The following TACC2 variants were observed in gnomAD, a reference collection of about 807,000 sequenced individuals.
The protein encoded by TACC2 is transforming acidic coiled-coil containing protein 2, also known as transforming acidic coiled-coil-containing protein 2.
TACC2 carries 137 observed loss-of-function variants against 227.3 expected under a neutral mutation model. The observed-to-expected ratio is 0.60, with a 90% CI of 0.52 to 0.69. TACC2 has a LOEUF of 0.69. TACC2 is among the 30% of genes least tolerant of loss of function. The probability of loss-of-function intolerance (pLI) is 0.00; values close to 1 mark genes in which losing one functional copy is unlikely to be tolerated. For missense variants in TACC2, 3,470 were observed against 3,694.4 expected (o/e 0.94, Z 1.57); for synonymous variants, 1,523 against 1,487.5 (o/e 1.02, Z -0.55).
chr10:122,073,988 G>A (rs1226280754), intron 3 of TACC2, among the ~76,000 whole-genome samples: 1 of 151,634 alleles, frequency 6.6e-6, no homozygotes, highest in Non-Finnish European at 1.5e-5. Flanking sequence ...CACCATGTTA[G>A]CCAGGATGGT....
chr10:121,999,208 C>T (rs1193641571), intron 1 of TACC2, among the ~76,000 whole-genome samples: 5 of 152,012 alleles, frequency 3.3e-5, no homozygotes, highest in East Asian at 1.9e-4. Flanking sequence ...AGGGTTTCAC[C>T]GTTTTGGCCA....
At chr10:122,056,255 A>G (rs866576742) in intron 3 of TACC2, among the ~76,000 whole-genome samples, 18 of 151,940 alleles carry the variant, frequency 1.2e-4, no homozygotes, top group Admixed American at 5.2e-4. Context: ...GCTCACTGCA[A>G]CCTCCGCCTC....
rs758882459 is a variant in TACC2, at chr10:122,050,508, A to C, written c.104A>C (p.Gln35Pro). 1 of 1,614,148 alleles carries C rather than the reference A, an allele frequency of 6.2e-7. No individual in the cohort carries two copies. Among genetic ancestry groups the C allele is most frequent in the South Asian group, 1.1e-5 (1 of 91,072 alleles). The change falls in exon 3 of 23, where the codon CAG (glutamine) becomes CCG (proline). Residue 35 changes from glutamine (Q) to proline (P), a missense_variant. Coordinates refer to ENST00000369005, the MANE Select transcript of TACC2 (RefSeq NM_206862.4). The surrounding 1 kb of genome is among the most constrained non-coding windows in gnomAD (Gnocchi z 4.6). ...AACAGTCAGAATATAAAAAGGAAGC[A>C]GCAGGACACGCCCGGAAGCCCTGAC... ...PGNSQNIKRK[Q>P]QDTPGSPDHR... is the part of the protein sequence containing the mutation.
intron 7 of TACC2, among the ~76,000 whole-genome samples, chr10:122,161,085 C>T (rs2092790567): frequency 6.6e-6 from 1 of 152,100 alleles, no homozygotes; most frequent in Non-Finnish European, 1.5e-5. Flanking sequence ...AGTTATGCAC[C>T]ACCACACCCA....
intron 5 of TACC2, among the ~76,000 whole-genome samples, chr10:122,089,967 C>G (rs2080560695): frequency 1.3e-5 from 2 of 152,198 alleles, no homozygotes; most frequent in African/African-American, 4.8e-5. Flanking sequence ...TTTCCTGCAG[C>G]CTTTGCTGTT....
chr10:122,087,046 A>T lies in TACC2; in HGVS notation c.4546A>T (p.Lys1516Ter). The T allele has an allele frequency of 6.2e-7, 1 of 1,613,660 alleles. No homozygotes were observed. Among genetic ancestry groups the T allele is most frequent in the South Asian group, 1.1e-5 (1 of 91,076 alleles). Residue 1516 changes from lysine to a stop codon, truncating the protein, a stop_gained, in exon 4 of 23, where the codon AAG (lysine) becomes TAG (stop). Transcript: ENST00000369005. LOFTEE classifies it high-confidence loss of function. ...ERNLPGAGVG[K>*]EMAGVPPTLR... is the part of the protein sequence containing the mutation. ...GAACTTGCCAGGTGCCGGTGTGGGG[A>T]AGGAGATGGCAGGTGTCCCACCCAC...
At chr10:122,008,387 A>T (rs1319250308) in intron 1 of TACC2, among the ~76,000 whole-genome samples, 1 of 151,322 alleles carries the variant, frequency 6.6e-6, no homozygotes, top group Non-Finnish European at 1.5e-5. Flanking sequence ...CAGCCTCTCG[A>T]GTAGCCGGGA....
intron 5 of TACC2, chr10:122,088,861 C>T (rs2080388756): frequency 9.8e-7 from 1 of 1,023,080 alleles, no homozygotes; most frequent in Admixed American, 2.7e-5. Context: ...TGGCTCATGC[C>T]TGTAATCCCA....
chr10:122,200,425 G>T lies in TACC2; in HGVS notation c.5971+5249G>T, dbSNP rs138656749. On this transcript the variant is annotated intron_variant, in intron 8 of 22. Coordinates refer to ENST00000369005, the MANE Select transcript of TACC2 (RefSeq NM_206862.4). ...GGCACCTCACCTGCCCACAGTGGCT[G>T]TGTTCACATGGGGAGGACAGTTACC... 5.8e-5 allele frequency among the ~76,000 whole-genome samples: 8 copies of T among 137,124 alleles called. No homozygotes were observed. The East Asian group carries it at 9.1e-4, about 16-fold the overall frequency. The allele number at this position is 137,124 out of a possible 152,430, so 90.0% of individuals were successfully genotyped here. A position where few individuals can be genotyped will look rare whatever the true frequency, so the allele number is the denominator to read the frequency against.
chr10:122,064,554 C>T (rs1256022275), intron 3 of TACC2, among the ~76,000 whole-genome samples: 2 of 152,214 alleles, frequency 1.3e-5, no homozygotes, highest in Admixed American at 6.5e-5. Flanking sequence ...AGAGCCTACT[C>T]TATAACTATT....
intron 3 of TACC2, among the ~76,000 whole-genome samples, chr10:122,067,507 GTT>G (rs34479310): frequency 1.2e-4 from 15 of 129,628 alleles, no homozygotes; most frequent in African/African-American, 3.4e-4. Context: ...ACTGTTTCTG[GTT>G]TTTTTTTTTT....
At chr10:122,218,854 C>T (rs937600560) in intron 11 of TACC2, among the ~76,000 whole-genome samples, 1 of 151,816 alleles carries the variant, frequency 6.6e-6, no homozygotes, top group Non-Finnish European at 1.5e-5. Flanking sequence ...AACACTGACT[C>T]TACCAAAAGT....
chr10:122,067,864 A>G (rs976906248), intron 3 of TACC2, among the ~76,000 whole-genome samples: 1 of 152,100 alleles, frequency 6.6e-6, no homozygotes, highest in African/African-American at 2.4e-5. Context: ...ATGTTGGTTA[A>G]TAGTTTACAT....
intron 3 of TACC2, among the ~76,000 whole-genome samples, chr10:122,061,306 A>AAG (rs33934283): frequency 6.8e-6 from 1 of 146,898 alleles, no homozygotes; most frequent in Non-Finnish European, 1.5e-5. Context: ...AAAAAAAAAA[A>AAG]GGAGGGAGAA....
At chr10:122,007,087 C>T (rs1015643855) in intron 1 of TACC2, among the ~76,000 whole-genome samples, 1 of 152,084 alleles carries the variant, frequency 6.6e-6, no homozygotes, top group Admixed American at 6.6e-5. Flanking sequence ...GTCTCAAACT[C>T]CCGACCTTAG....
At position 122,086,240 on chromosome 10, in the gene TACC2, G is replaced by A. The variant is rs549308243; in HGVS notation, c.3740G>A (p.Gly1247Glu). The change falls in exon 4 of 23, where the codon GGA (glycine) becomes GAA (glutamate). Residue 1247 changes from glycine to glutamate, a missense_variant. By Grantham distance (98) the Gly-to-Glu change is moderately conservative. Coordinates refer to ENST00000369005, the MANE Select transcript of TACC2 (RefSeq NM_206862.4). ...YLHVDSAAQR[G>E]AEDSGVKAVS... ...CATGTCGACAGTGCTGCCCAGAGAG[G>A]AGCAGAAGACAGTGGAGTGAAAGCT... is the stretch of plus-strand genomic sequence containing the variant. 3.2e-5 allele frequency: 52 copies of A among 1,613,844 alleles called. 1 individual carries two copies. Among genetic ancestry groups the A allele is most frequent in the South Asian group, 1.8e-4 (16 of 91,092 alleles).
chr10:122,008,634 A>C (rs939583996), intron 1 of TACC2, among the ~76,000 whole-genome samples: 1 of 151,272 alleles, frequency 6.6e-6, no homozygotes, highest in Non-Finnish European at 1.5e-5. Context: ...GTGCAGTGGC[A>C]CAGTCTCTAC....
At chr10:122,052,299 G>A (rs532148916) in intron 3 of TACC2, 1 of 152,288 alleles carries the variant, frequency 6.6e-6, no homozygotes, top group African/African-American at 2.4e-5. Flanking sequence ...CTGTGTCACA[G>A]CTGGACTGAA....
At chr10:122,143,997 A>C (rs900072477) in intron 7 of TACC2, among the ~76,000 whole-genome samples, 1 of 152,176 alleles carries the variant, frequency 6.6e-6, no homozygotes, top group South Asian at 2.1e-4. Flanking sequence ...CTATATGTGT[A>C]TGTATTTATA....
Sources: gnomAD v4.1 joint callset for allele counts (sites outside exome capture counted in the v4.1 genomes callset) on GRCh38, gnomAD v4.1.1 for gene constraint, Gnocchi (gnomAD v3.1) non-coding constraint, MANE v1.5 for transcripts, NCBI Gene and HGNC (gene_info 2026-07-23, HGNC 2026-07-21) for gene names.